ADCY1: variants seen among roughly 807,000 people sequenced by gnomAD.
ADCY1 encodes the protein adenylate cyclase type 1.
A neutral mutation model predicts 105.4 loss-of-function variants in ADCY1; 28 were observed. The observed-to-expected ratio is 0.27, with a 90% CI of 0.20 to 0.36. The LOEUF (loss-of-function observed/expected upper bound fraction) is 0.36. Ranked by LOEUF, ADCY1 falls within the 10% of genes least tolerant of loss-of-function variation. The pLI, the probability that ADCY1 is intolerant of heterozygous loss-of-function variation, is 1.00. For missense variants in ADCY1, 977 were observed against 1,434.2 expected (o/e 0.68, Z 5.15); for synonymous variants, 655 against 623.8 (o/e 1.05, Z -0.75).
intron 8 of ADCY1, among the ~76,000 whole-genome samples, chr7:45,671,074 C>T (rs1340570158): frequency 3.9e-5 from 6 of 152,338 alleles, no homozygotes; most frequent in Admixed American, 2.6e-4. Flanking sequence ...CAGAGATTTG[C>T]GCTGGCAAGG....
intron 8 of ADCY1, among the ~76,000 whole-genome samples, chr7:45,676,315 TA>T (rs1193448003): frequency 1.3e-5 from 2 of 152,192 alleles, no homozygotes; most frequent in Non-Finnish European, 2.9e-5. Flanking sequence ...ATGACTGCTT[TA>T]AAATTCTTGT....
At chr7:45,689,945 A>T (rs1389352604) in intron 14 of ADCY1, among the ~76,000 whole-genome samples, 1 of 152,224 alleles carries the variant, frequency 6.6e-6, no homozygotes, top group Non-Finnish European at 1.5e-5. Flanking sequence ...TCAGAGTCCA[A>T]TCACAGGGGC....
chr7:45,646,556 C>G (rs1794670359), intron 4 of ADCY1, among the ~76,000 whole-genome samples: 1 of 152,228 alleles, frequency 6.6e-6, no homozygotes. Context: ...CACTGGTCCT[C>G]CAAGCAGGCA....
At chr7:45,687,852 G>T (rs1205056585) in intron 14 of ADCY1, among the ~76,000 whole-genome samples, 4 of 152,114 alleles carry the variant, frequency 2.6e-5, no homozygotes, top group South Asian at 4.1e-4. Flanking sequence ...CTGTGTCTGG[G>T]GCCAGGCAGG....
chr7:45,646,164 A>G (rs1794659417), intron 4 of ADCY1, among the ~76,000 whole-genome samples: 1 of 152,050 alleles, frequency 6.6e-6, no homozygotes, highest in African/African-American at 2.4e-5. Context: ...GCCAATGGGG[A>G]CAGGGTAGTG....
chr7:45,714,316 A>C lies in ADCY1; in HGVS notation c.*321A>C. ...CCAGCAAGCCTGTTCAGGTTTGGCC[A>C]GGTCGGCATCAATGTAAGGACCTTC... On this transcript the variant is annotated 3_prime_UTR_variant, in exon 20 of 20. Transcript: ENST00000297323. 1 of 371,446 alleles carries C rather than the reference A, an allele frequency of 2.7e-6. No individual in the cohort carries two copies. The highest frequency in any genetic ancestry group is 4.9e-6 in the Non-Finnish European group (1 of 203,388). The allele number at this position is 371,446 out of a possible 1,614,324, so 23.0% of individuals were successfully genotyped here.
chr7:45,674,700 C>T (rs1230367159), intron 8 of ADCY1, among the ~76,000 whole-genome samples: 2 of 152,132 alleles, frequency 1.3e-5, no homozygotes, highest in South Asian at 2.1e-4. Context: ...TCAGTTTTGG[C>T]TTTGTGTGAT....
chr7:45,680,245 A>G, intron 11 of ADCY1: 1 of 209,410 alleles, frequency 4.8e-6, no homozygotes, highest in Non-Finnish European at 9.8e-6. Flanking sequence ...AGGACAGAAG[A>G]GGGATGTTTA....
chr7:45,639,652 C>T (rs1291213944), intron 4 of ADCY1, among the ~76,000 whole-genome samples: 1 of 152,144 alleles, frequency 6.6e-6, no homozygotes, highest in African/African-American at 2.4e-5. Context: ...CATTTTTTTC[C>T]CAATGAGAGC....
At chr7:45,597,756 G>T (rs796548407) in intron 2 of ADCY1, among the ~76,000 whole-genome samples, 1 of 152,174 alleles carries the variant, frequency 6.6e-6, no homozygotes, top group East Asian at 1.9e-4. Context: ...CTCTCCTCCC[G>T]TCCACCTTCT....
At chr7:45,692,190 C>T (rs529398512) in intron 14 of ADCY1, among the ~76,000 whole-genome samples, 2 of 152,328 alleles carry the variant, frequency 1.3e-5, no homozygotes, top group South Asian at 4.1e-4. Flanking sequence ...GGCCCCATGC[C>T]CACTGGAAAT....
intron 4 of ADCY1, among the ~76,000 whole-genome samples, chr7:45,629,811 G>A (rs1312460135): frequency 1.7e-4 from 26 of 152,272 alleles, no homozygotes; most frequent in Admixed American, 5.2e-4. Flanking sequence ...GAGCCACCGC[G>A]CCCGGCCGTA....
intron 4 of ADCY1, among the ~76,000 whole-genome samples, chr7:45,625,483 GCA>G (rs1001602321): frequency 2.0e-5 from 3 of 151,946 alleles, no homozygotes; most frequent in Non-Finnish European, 4.4e-5. Flanking sequence ...GCATGCATGT[GCA>G]CACGTGTGTA....
chr7:45,626,179 A>G (rs945853660), intron 4 of ADCY1, among the ~76,000 whole-genome samples: 10 of 152,214 alleles, frequency 6.6e-5, no homozygotes, highest in African/African-American at 2.4e-4. Context: ...TGGAGCACAG[A>G]AGCAGCCACA....
Position 45,575,215 on chromosome 7 carries a change from C to T in ADCY1, c.639+33C>T, listed in dbSNP as rs771168252. ...CAGCCGCGCACCCCTCATCTGGTCT[C>T]GGACACACTTGCTGGGACGATGCTG... On this transcript the variant is annotated intron_variant, in intron 1 of 19. Transcript: ENST00000297323. This position sits in a 1 kb window ranked among gnomAD's most constrained non-coding sequence, Gnocchi z 4.7. The T allele has an allele frequency of 6.5e-7, 1 of 1,543,590 alleles. No homozygotes were observed. The highest frequency in any genetic ancestry group is 8.7e-7 in the Non-Finnish European group (1 of 1,148,870).
intron 3 of ADCY1, among the ~76,000 whole-genome samples, chr7:45,616,556 G>A (rs1429730245): frequency 2.6e-5 from 4 of 151,976 alleles, no homozygotes; most frequent in African/African-American, 4.8e-5. Context: ...AAGAGAATAC[G>A]GAATACAAAT....
At position 45,601,567 on chromosome 7, in the gene ADCY1, G is replaced by A. The variant is rs1442803657; in HGVS notation, c.789+8659G>A. ...TCCAGTCCTCCTTCTGGTTTGTCTC[G>A]ATGGTGATTTTACCTTGTGGAGCAA... is the stretch of plus-strand genomic sequence containing the variant. On this transcript the variant is annotated intron_variant, in intron 2 of 19. Transcript: ENST00000297323. Among the ~76,000 whole-genome samples the A allele has an allele frequency of 2.0e-5, 3 of 152,124 alleles. No individual in the cohort carries two copies. The South Asian group carries it at 6.2e-4, about 32-fold the overall frequency.
intron 4 of ADCY1, among the ~76,000 whole-genome samples, chr7:45,623,328 A>G (rs1257235284): frequency 6.6e-6 from 1 of 152,234 alleles, no homozygotes; most frequent in Non-Finnish European, 1.5e-5. Flanking sequence ...GGCCATACCA[A>G]CAGCGTTGGC....
intron 10 of ADCY1, 97 bp from the exon 11 acceptor site, chr7:45,679,612 A>G (rs1784519515): frequency 8.4e-7 from 1 of 1,184,822 alleles, no homozygotes; most frequent in Non-Finnish European, 1.3e-6. Context: ...CTGAGAGCAC[A>G]GGGGATGTGG....
Sources: allele counts gnomAD v4.1 joint callset (sites outside exome capture counted in the v4.1 genomes callset), GRCh38; gene constraint gnomAD v4.1.1; non-coding constraint Gnocchi (gnomAD v3.1); transcripts MANE v1.5; gene names NCBI Gene and HGNC (gene_info 2026-07-23, HGNC 2026-07-21).